The following NELL2 variants were observed in gnomAD, a reference collection of about 807,000 sequenced individuals.
NELL2 encodes neural EGFL like 2, also known as protein kinase C-binding protein NELL2.
A neutral mutation model predicts 109.6 loss-of-function variants in NELL2; 41 were observed. The observed-to-expected ratio is 0.37, with a 90% CI of 0.29 to 0.49. The LOEUF is 0.49. Among genes scored for constraint, NELL2 ranks in the 20% least tolerant of loss-of-function variants. NELL2 has a pLI of 0.98. For synonymous variants in NELL2, 355 were observed against 344.7 expected (o/e 1.03, Z -0.33); for missense variants, 900 against 1,008.3 (o/e 0.89, Z 1.45).
intron 13 of NELL2, among the ~76,000 whole-genome samples, chr12:44,655,150 C>T (rs1452260): frequency 0.16 from 24,565 of 152,032 alleles, 2,069 homozygotes; most frequent in East Asian, 0.21. Context: ...CAAAGGTAAA[C>T]TAGGGTTTGA....
At chr12:44,625,034 T>TATATATATA (rs1555187351) in intron 13 of NELL2, among the ~76,000 whole-genome samples, 1 of 116,110 alleles carries the variant, frequency 8.6e-6, no homozygotes. Context: ...ATATATATAT[T>TATATATATA]TCTGAACAAG....
intron 9 of NELL2, among the ~76,000 whole-genome samples, chr12:44,737,409 C>A (rs1371802117): frequency 6.8e-6 from 1 of 146,732 alleles, no homozygotes. Context: ...TAAAATTATG[C>A]CTCTTTAATA....
At chr12:44,572,168 G>A (rs548571047) in intron 15 of NELL2, among the ~76,000 whole-genome samples, 2 of 151,822 alleles carry the variant, frequency 1.3e-5, no homozygotes, top group South Asian at 4.2e-4. Context: ...TTTAGACAAG[G>A]CCTCACTCTG....
chr12:44,801,316 T>C (rs946805613), intron 3 of NELL2, among the ~76,000 whole-genome samples: 1 of 152,180 alleles, frequency 6.6e-6, no homozygotes, highest in African/African-American at 2.4e-5. Context: ...GAAAGATTTC[T>C]GGCTTTTTAG....
At chr12:44,829,685 T>C (rs1384737799) in intron 2 of NELL2, among the ~76,000 whole-genome samples, 1 of 152,038 alleles carries the variant, frequency 6.6e-6, no homozygotes. Flanking sequence ...CATTACTGTA[T>C]GAAGTAGTGC....
At chr12:44,899,020 C>A (rs1945627325) in intron 1 of NELL2, among the ~76,000 whole-genome samples, 1 of 148,234 alleles carries the variant, frequency 6.7e-6, no homozygotes, top group African/African-American at 2.5e-5. Flanking sequence ...GATTGAAGAT[C>A]AACTTAATGA....
chr12:44,593,911 A>T (rs1944855261), intron 15 of NELL2, among the ~76,000 whole-genome samples: 1 of 152,208 alleles, frequency 6.6e-6, no homozygotes, highest in African/African-American at 2.4e-5. Context: ...GACTGGATAA[A>T]GAAAATGTGG....
At chr12:44,818,658 T>C (rs1410011260) in intron 2 of NELL2, among the ~76,000 whole-genome samples, 1 of 151,790 alleles carries the variant, frequency 6.6e-6, no homozygotes, top group African/African-American at 2.4e-5. Flanking sequence ...TAAATGTCTA[T>C]ATTATTCACT....
At chr12:44,705,885 C>A (rs1453756040) in intron 11 of NELL2, among the ~76,000 whole-genome samples, 3 of 152,160 alleles carry the variant, frequency 2.0e-5, no homozygotes, top group African/African-American at 7.2e-5. Flanking sequence ...TTCTGATACA[C>A]CTTTTTTTCA....
intron 2 of NELL2, among the ~76,000 whole-genome samples, chr12:44,870,058 T>C (rs1945118754): frequency 6.6e-6 from 1 of 152,168 alleles, no homozygotes; most frequent in African/African-American, 2.4e-5. Flanking sequence ...ACAATTCAGC[T>C]AAGTTTTCTG....
At chr12:44,831,501 T>G (rs973061027) in intron 2 of NELL2, among the ~76,000 whole-genome samples, 7 of 152,214 alleles carry the variant, frequency 4.6e-5, no homozygotes, top group African/African-American at 1.7e-4. Context: ...GGCAGATTGC[T>G]AACTGTCCTC....
chr12:44,535,150 T>C (rs974828727), intron 15 of NELL2, among the ~76,000 whole-genome samples: 2 of 152,020 alleles, frequency 1.3e-5, no homozygotes, highest in African/African-American at 4.8e-5. Context: ...CCATAATGTA[T>C]TTTCATATAA....
In NELL2 at chr12:44,722,315, G is replaced by A. The variant is rs548850485; in HGVS notation, c.995-7574C>T. 3.9e-4 allele frequency among the ~76,000 whole-genome samples: 59 copies of A among 152,090 alleles called. 1 individual carries two copies. Among genetic ancestry groups the A allele is most frequent in the African/African-American group, 1.4e-3 (57 of 41,474 alleles). On this transcript the variant is annotated intron_variant, in intron 9 of 19. Coordinates refer to ENST00000429094, the MANE Select transcript of NELL2 (RefSeq NM_001145108.2). ...TGAGTAGTTGGGACTACAGGCATGC[G>A]CCAAAATGCCCCACTAATTTTTTAA... is the stretch of plus-strand genomic sequence containing the variant.
intron 3 of NELL2, among the ~76,000 whole-genome samples, chr12:44,807,356 C>G (rs576566312): frequency 6.7e-6 from 1 of 149,706 alleles, no homozygotes; most frequent in South Asian, 2.1e-4. Flanking sequence ...CACACACACA[C>G]GCATGCATGC....
chr12:44,762,805 T>C (rs979944124), intron 9 of NELL2, among the ~76,000 whole-genome samples: 1 of 152,248 alleles, frequency 6.6e-6, no homozygotes, highest in Non-Finnish European at 1.5e-5. Flanking sequence ...GGTAGAATTT[T>C]ACTTATTTCA....
chr12:44,671,447 G>C (rs971173647), intron 12 of NELL2, among the ~76,000 whole-genome samples: 2 of 151,706 alleles, frequency 1.3e-5, no homozygotes. Flanking sequence ...GATCAGACCA[G>C]AAATAAAACA....
At chr12:44,656,672 T>C (rs546908057) in intron 13 of NELL2, among the ~76,000 whole-genome samples, 1 of 152,360 alleles carries the variant, frequency 6.6e-6, no homozygotes, top group East Asian at 1.9e-4. Flanking sequence ...TGGCTCTTTG[T>C]CATCGTCCTT....
In NELL2 at chr12:44,658,504, G is replaced by C. The variant is rs544391299; in HGVS notation, c.1444+6980C>G. ...TAGGAAGAATCAATATCATGAAAAT[G>C]GCCATACTGCCCAAAGTAATTTATA... On this transcript the variant is annotated intron_variant, in intron 13 of 19. Transcript: ENST00000429094. 3.3e-5 allele frequency among the ~76,000 whole-genome samples: 5 copies of C among 152,208 alleles called. No individual in the cohort carries two copies. In the South Asian group the frequency reaches 1.0e-3, roughly 32 times the overall value.
intron 12 of NELL2, among the ~76,000 whole-genome samples, chr12:44,671,735 C>G (rs566507426): frequency 1.3e-5 from 2 of 152,112 alleles, no homozygotes; most frequent in Non-Finnish European, 2.9e-5. Flanking sequence ...AAAACCTGAA[C>G]AGATCAATAG....
Sources: gnomAD v4.1 joint callset for allele counts (sites outside exome capture counted in the v4.1 genomes callset) on GRCh38, gnomAD v4.1.1 for gene constraint, MANE v1.5 for transcripts, NCBI Gene and HGNC (gene_info 2026-07-23, HGNC 2026-07-21) for gene names.